ZNF383: variants seen among roughly 807,000 people sequenced by gnomAD.
ZNF383 encodes the protein zinc finger protein 383.
Under a neutral mutation model 44.2 loss-of-function variants are expected in ZNF383, and 32 were observed. That is an observed-to-expected ratio of 0.72 (90% CI 0.55 to 0.97). The LOEUF is 0.97. Ranked by LOEUF, ZNF383 falls within the 50% of genes least tolerant of loss-of-function variation. The pLI is 0.00. For synonymous variants in ZNF383, 155 were observed against 186.2 expected, an observed-to-expected ratio of 0.83 and a Z score of 1.36; for missense variants, 487 against 562.5, an observed-to-expected ratio of 0.87 and a Z score of 1.36.
rs747583518 is a variant in ZNF383 at position 37,242,943 on chromosome 19, G to A, written c.707G>A (p.Ser236Asn). 1.2e-6 allele frequency: 2 copies of A among 1,613,724 alleles called. No individual in the cohort carries two copies. Among genetic ancestry groups the A allele is most frequent in the African/African-American group, 2.7e-5 (2 of 74,796 alleles). ...FECKECGKAF[S>N]CSSYLSQHQR... ...TGTAAGGAATGTGGAAAGGCCTTCA[G>A]TTGTAGCTCATACCTTTCTCAACAT... Residue 236 changes from serine (S) to asparagine (N), a missense_variant, in exon 6 of 6, where the codon AGT becomes AAT. Transcript: ENST00000684119.
At position 37,243,404 on chromosome 19, in the gene ZNF383, G is replaced by A. The variant is rs1416993925; in HGVS notation, c.1168G>A (p.Gly390Ser). ...QLRQHQRIHAGEKPFECLECG... is the reference protein window; with the variant it reads ...QLRQHQRIHASEKPFECLECG... ...TCGTCAACATCAGAGAATTCACGCTGGTGAGAAACCCTTTGAATGTCTTGA... is the reference window on the plus strand; with the variant it reads ...TCGTCAACATCAGAGAATTCACGCTAGTGAGAAACCCTTTGAATGTCTTGA... Residue 390 changes from glycine (G) to serine (S), a missense_variant, in exon 6 of 6, where the codon GGT becomes AGT. By Grantham distance (56) the Gly-to-Ser change is moderately conservative. Coordinates refer to ENST00000684119, the MANE Select transcript of ZNF383 (RefSeq NM_001387601.1). 1 of 1,614,002 alleles carries A rather than the reference G, an allele frequency of 6.2e-7. No homozygotes were observed. The highest frequency in any genetic ancestry group is 8.5e-7 in the Non-Finnish European group (1 of 1,180,028).
chr19:37,221,662 T>C (rs1972921592), intron 1 of ZNF383, among the ~76,000 whole-genome samples: 2 of 151,296 alleles, frequency 1.3e-5, no homozygotes. Flanking sequence ...AGTGAGCATA[T>C]TCCGGGCTGG....
chr19:37,223,526 C>T (rs1973022598), intron 1 of ZNF383, among the ~76,000 whole-genome samples: 7 of 151,716 alleles, frequency 4.6e-5, no homozygotes, highest in Admixed American at 4.6e-4. Flanking sequence ...AGCAAGACCC[C>T]ATTTCTAAAT....
chr19:37,228,759 T>C (rs1273166895), intron 2 of ZNF383, among the ~76,000 whole-genome samples: 1 of 152,136 alleles, frequency 6.6e-6, no homozygotes, highest in Non-Finnish European at 1.5e-5. Flanking sequence ...CCGAGTTTAT[T>C]CTTTTTGTCT....
chr19:37,226,860 C>A (rs1973190235), intron 2 of ZNF383, among the ~76,000 whole-genome samples: 1 of 152,086 alleles, frequency 6.6e-6, no homozygotes, highest in Non-Finnish European at 1.5e-5. Context: ...TGCTCTGTTG[C>A]CAGGCTAGAA....
chr19:37,241,082 C>T (rs990821597), intron 5 of ZNF383, among the ~76,000 whole-genome samples: 1 of 152,244 alleles, frequency 6.6e-6, no homozygotes, highest in Non-Finnish European at 1.5e-5. Flanking sequence ...GCTGGGATTA[C>T]AGGTGTGAGC....
Position 37,243,599 on chromosome 19 carries a change from T to G in ZNF383, c.1363T>G (p.Cys455Gly). 6.2e-7 allele frequency: 1 copy of G among 1,609,070 alleles called. No individual in the cohort carries two copies. Among genetic ancestry groups the G allele is most frequent in the Non-Finnish European group, 8.5e-7 (1 of 1,176,778 alleles). Residue 455 changes from cysteine to glycine, a missense_variant, in exon 6 of 6, where the codon TGT (cysteine) becomes GGT (glycine). By Grantham distance (159) the Cys-to-Gly change is radical. Coordinates refer to ENST00000684119, the MANE Select transcript of ZNF383 (RefSeq NM_001387601.1). Reference protein sequence around the residue: ...TGEKPYNCKECGKAFSSGSDL... With the variant: ...TGEKPYNCKEGGKAFSSGSDL... ...TGAAAAGCCCTATAACTGTAAGGAA[T>G]GTGGGAAGGCTTTTAGTAGTGGCTC...
chr19:37,220,251 C>T (rs781356077), intron 1 of ZNF383, among the ~76,000 whole-genome samples: 3 of 151,754 alleles, frequency 2.0e-5, no homozygotes, highest in East Asian at 1.9e-4. Context: ...TTTCTTGAGA[C>T]GGAGTCTCGC....
In ZNF383 at chr19:37,243,056, C is replaced by T. The variant is rs753494718; in HGVS notation, c.820C>T (p.Arg274Ter). 5.0e-6 allele frequency: 8 copies of T among 1,612,230 alleles called. No homozygotes were observed. Among genetic ancestry groups the T allele is most frequent in the African/African-American group, 1.3e-5 (1 of 74,342 alleles). The change falls in exon 6 of 6, where the codon CGA (arginine) becomes TGA (stop). Residue 274 changes from arginine (R) to a stop codon, truncating the protein, a stop_gained. Coordinates refer to ENST00000684119, the MANE Select transcript of ZNF383 (RefSeq NM_001387601.1). LOFTEE classifies it high-confidence loss of function. ...TTGCTCAAATCTTATTGACCATCAG[C>T]GAATTCACACTGGTGAAAAACCTTA... ...SYCSNLIDHQRIHTGEKPYEC... is the reference protein window; with the variant it reads ...SYCSNLIDHQ
intron 5 of ZNF383, among the ~76,000 whole-genome samples, chr19:37,238,630 T>A (rs1160159402): frequency 6.6e-6 from 1 of 152,044 alleles, no homozygotes; most frequent in African/African-American, 2.4e-5. Flanking sequence ...TGGCTGAAAT[T>A]GAATGAGCAA....
rs1384088181 is a variant in ZNF383, at chr19:37,246,125, G to A, written c.*2461G>A. 1 of 152,128 alleles carries A rather than the reference G, an allele frequency of 6.6e-6. No homozygotes were observed. 9.4% of individuals were successfully genotyped at this position (152,128 alleles called of 1,614,324 possible). ...TGGTATTTTAAAAAATTATGTCTAG[G>A]CATCTATAATAAGGCTGTATGTATT... On this transcript the variant is annotated 3_prime_UTR_variant, in exon 6 of 6. Transcript: ENST00000684119.
Position 37,242,553 on chromosome 19 carries a change from G to T in ZNF383, c.317G>T (p.Gly106Val), listed in dbSNP as rs990371405. 6.2e-7 allele frequency: 1 copy of T among 1,613,948 alleles called. No individual in the cohort carries two copies. The highest frequency in any genetic ancestry group is 8.5e-7 in the Non-Finnish European group (1 of 1,179,924). ...EIELCQREIMGLTKHGLEYSS... is the reference protein window; with the variant it reads ...EIELCQREIMVLTKHGLEYSS... ...GAATTATGCCAGAGGGAGATAATGG[G>T]ACTTACAAAGCATGGCCTTGAGTAC... Residue 106 changes from glycine (G) to valine (V), a missense_variant, in exon 6 of 6, where the codon GGA (glycine) becomes GTA (valine). Coordinates refer to ENST00000684119, the MANE Select transcript of ZNF383 (RefSeq NM_001387601.1).
intron 5 of ZNF383, among the ~76,000 whole-genome samples, chr19:37,236,402 T>C (rs1011239950): frequency 6.6e-6 from 1 of 151,936 alleles, no homozygotes; most frequent in Non-Finnish European, 1.5e-5. Flanking sequence ...TTTTTTTCTT[T>C]TTTTTTAAAG....
rs113107941 is a variant in ZNF383, at chr19:37,239,276, G to A, written c.233-3193G>A. Among the ~76,000 whole-genome samples, 558 of 152,108 alleles carry A rather than the reference G, an allele frequency of 3.7e-3. 3 individuals carry two copies. Among genetic ancestry groups the A allele is most frequent in the African/African-American group, 0.013 (527 of 41,412 alleles). On this transcript the variant is annotated intron_variant, in intron 5 of 5. Coordinates refer to ENST00000684119, the MANE Select transcript of ZNF383 (RefSeq NM_001387601.1). ...TTGAGATATAACATTTCTTCCTATCGTGATGTATGGGACAAACCATAGTAG... is the reference window on the plus strand; with the variant it reads ...TTGAGATATAACATTTCTTCCTATCATGATGTATGGGACAAACCATAGTAG...
At position 37,235,921 on chromosome 19, in the gene ZNF383, G is replaced by A. The variant is rs1973767874; in HGVS notation, c.137-58G>A. On this transcript the variant is annotated intron_variant, in intron 4 of 5. Coordinates refer to ENST00000684119, the MANE Select transcript of ZNF383 (RefSeq NM_001387601.1). Reference sequence around the variant, plus strand: ...GGCATCTCTTCCTGTGATCATCAAGGGACTGGATCTCCTTTACCCCCAGCA... The same window carrying A: ...GGCATCTCTTCCTGTGATCATCAAGAGACTGGATCTCCTTTACCCCCAGCA... 3 of 1,442,078 alleles carry A rather than the reference G, an allele frequency of 2.1e-6. No individual in the cohort carries two copies. The South Asian group carries it at 3.8e-5, about 18-fold the overall frequency. The allele number at this position is 1,442,078 out of a possible 1,614,324, so 89.3% of individuals were successfully genotyped here. A position where few individuals can be genotyped will look rare whatever the true frequency, so the allele number is the denominator to read the frequency against.
chr19:37,224,257 A>G (rs1973055525), intron 1 of ZNF383, among the ~76,000 whole-genome samples: 2 of 152,218 alleles, frequency 1.3e-5, no homozygotes, highest in Non-Finnish European at 2.9e-5. Flanking sequence ...TACAAAATGA[A>G]TGTACAGTGA....
At chr19:37,222,304 G>A (rs1013862041) in intron 1 of ZNF383, among the ~76,000 whole-genome samples, 21 of 152,090 alleles carry the variant, frequency 1.4e-4, no homozygotes, top group Non-Finnish European at 2.8e-4. Context: ...GTTGCTGCAC[G>A]TTAGTTATAG....
At chr19:37,228,314 T>G (rs2145492081) in intron 2 of ZNF383, among the ~76,000 whole-genome samples, 1 of 152,184 alleles carries the variant, frequency 6.6e-6, no homozygotes, top group East Asian at 1.9e-4. Context: ...CTGTACTGTG[T>G]TCCTTTAGTT....
chr19:37,243,194 A>G lies in ZNF383; in HGVS notation c.958A>G (p.Thr320Ala). 5 of 1,614,216 alleles carry G rather than the reference A, an allele frequency of 3.1e-6. No homozygotes were observed. The highest frequency in any genetic ancestry group is 4.2e-6 in the Non-Finnish European group (5 of 1,180,036). Residue 320 changes from threonine to alanine, a missense_variant, in exon 6 of 6, where the codon ACC (threonine) becomes GCC (alanine). Thr to Ala is a moderately conservative substitution (Grantham distance 58). Transcript: ENST00000684119. ...YECKECGKAF[T>A]QSSKLVQHQR... ...ATGTAAGGAATGTGGCAAAGCCTTT[A>G]CCCAGAGCTCAAAGCTTGTTCAACA...
Sources: gnomAD v4.1 joint callset for allele counts (sites outside exome capture counted in the v4.1 genomes callset) on GRCh38, gnomAD v4.1.1 for gene constraint, MANE v1.5 for transcripts, NCBI Gene and HGNC (gene_info 2026-07-23, HGNC 2026-07-21) for gene names.